The following PTPRU variants were observed in gnomAD, a reference collection of about 807,000 sequenced individuals.
The protein encoded by PTPRU is protein tyrosine phosphatase receptor type U.
PTPRU carries 69 observed loss-of-function variants against 166.3 expected under a neutral mutation model. The observed-to-expected ratio is 0.41, with a 90% CI of 0.34 to 0.51. PTPRU has a LOEUF of 0.51. Among genes scored for constraint, PTPRU ranks in the 20% least tolerant of loss-of-function variants. The pLI is 0.09. For missense variants in PTPRU, 1,657 were observed against 2,013.7 expected (o/e 0.82, Z 3.39); for synonymous variants, 793 against 814.0 (o/e 0.97, Z 0.44).
chr1:29,306,722 G>A (rs766014020), intron 18 of PTPRU, among the ~76,000 whole-genome samples: 2 of 152,340 alleles, frequency 1.3e-5, no homozygotes, highest in African/African-American at 4.8e-5. Flanking sequence ...GGGAGCCGAG[G>A]TAGTCAGGGT....
chr1:29,239,478 G>A (rs1179231846), intron 1 of PTPRU, among the ~76,000 whole-genome samples: 4 of 152,162 alleles, frequency 2.6e-5, no homozygotes, highest in Admixed American at 2.6e-4. Context: ...TTAGCAGGAA[G>A]CAGTGACAGT....
In PTPRU at chr1:29,291,765, G is replaced by A. The variant is rs530474245; in HGVS notation, c.2319-104G>A. The A allele has an allele frequency of 3.3e-6, 4 of 1,221,080 alleles. No individual in the cohort carries two copies. In the East Asian group the frequency reaches 1.0e-4, roughly 31 times the overall value. The allele number at this position is 1,221,080 out of a possible 1,614,324, so 75.6% of individuals were successfully genotyped here. On this transcript the variant is annotated intron_variant, in intron 14 of 29. Transcript: ENST00000373779. The surrounding 1 kb of genome is among the most constrained non-coding windows in gnomAD (Gnocchi z 4.1). ...AGAGATGCTTCTAGGACAGCTGCTG[G>A]CTCCTGGCCTTGAGGTCCCCTTACT...
At chr1:29,261,109 C>G (rs1685045636) in intron 7 of PTPRU, among the ~76,000 whole-genome samples, 1 of 152,230 alleles carries the variant, frequency 6.6e-6, no homozygotes, top group Non-Finnish European at 1.5e-5. Context: ...GACACACACA[C>G]AAACCCATAT....
At position 29,279,368 on chromosome 1, in the gene PTPRU, C is replaced by A; in HGVS notation, c.1564-88C>A. On this transcript the variant is annotated intron_variant, in intron 9 of 29. Transcript: ENST00000373779. The surrounding 1 kb of genome is among the most constrained non-coding windows in gnomAD (Gnocchi z 5.2). ...GTCTCCTTTGCTTAGCCTTATCTCT[C>A]ACTTCCCTGGGACATGGTGGGTGGA... is the stretch of plus-strand genomic sequence containing the variant. The A allele has an allele frequency of 7.0e-7, 1 of 1,427,758 alleles. No homozygotes were observed. Among genetic ancestry groups the A allele is most frequent in the South Asian group, 1.2e-5 (1 of 85,740 alleles). 88.4% of individuals were successfully genotyped at this position (1,427,758 alleles called of 1,614,324 possible). A position where few individuals can be genotyped will look rare whatever the true frequency, so the allele number is the denominator to read the frequency against.
Position 29,275,615 on chromosome 1 carries a change from T to A in PTPRU, c.1312T>A (p.Cys438Ser), listed in dbSNP as rs1339969438. The change falls in exon 8 of 30, where the codon TGT (cysteine) becomes AGT (serine). Residue 438 changes from cysteine (C) to serine (S), a missense_variant. By Grantham distance (112) the Cys-to-Ser change is moderately radical. Transcript: ENST00000373779. ...GSSHNQTIRE[C>S]VKTEQGVSRY... is the part of the protein sequence containing the mutation. Reference sequence around the variant, plus strand: ...CAGCCACAACCAGACCATCCGAGAGTGTGTGAAGACAGAGCAAGGTGTCAG... The same window carrying A: ...CAGCCACAACCAGACCATCCGAGAGAGTGTGAAGACAGAGCAAGGTGTCAG... The A allele has an allele frequency of 1.2e-6, 2 of 1,611,608 alleles. No individual in the cohort carries two copies. Among genetic ancestry groups the A allele is most frequent in the Middle Eastern group, 1.7e-4 (1 of 6,060 alleles).
intron 7 of PTPRU, among the ~76,000 whole-genome samples, chr1:29,265,563 A>C (rs1367099075): frequency 6.6e-6 from 1 of 151,912 alleles, no homozygotes; most frequent in Non-Finnish European, 1.5e-5. Context: ...GGGTTTCAGC[A>C]TGTTGGCCAG....
intron 7 of PTPRU, among the ~76,000 whole-genome samples, chr1:29,264,702 C>T (rs549391318): frequency 3.9e-5 from 6 of 152,250 alleles, no homozygotes; most frequent in Admixed American, 2.6e-4. Flanking sequence ...GACAGGGTTT[C>T]ACCATGTTGG....
At chr1:29,259,600 T>TTTTGTGGGGGGGGGGGGGGGG in intron 5 of PTPRU, 36 bp downstream of exon 5, 2 of 253,556 alleles carry the variant, frequency 7.9e-6, no homozygotes, top group East Asian at 8.6e-5. Context: ...GGGGGCGGGG[T>TTTTGTGGGGGGGGGGGGGGGG]GGGAGGGGGT....
chr1:29,324,540 G>A (rs1184792338), intron 28 of PTPRU, among the ~76,000 whole-genome samples: 1 of 152,146 alleles, frequency 6.6e-6, no homozygotes, highest in Non-Finnish European at 1.5e-5. Flanking sequence ...GTGTGCCCAC[G>A]ATGCCAGGTG....
rs1460973200 is a variant in PTPRU, at chr1:29,280,457, C to T, written c.1868+316C>T. 6.6e-6 allele frequency among the ~76,000 whole-genome samples: 1 copy of T among 152,176 alleles called. No individual in the cohort carries two copies. The highest frequency in any genetic ancestry group is 1.5e-5 in the Non-Finnish European group (1 of 68,026). On this transcript the variant is annotated intron_variant, in intron 11 of 29. Transcript: ENST00000373779. The surrounding 1 kb of genome is among the most constrained non-coding windows in gnomAD (Gnocchi z 4.2). ...CTTGGAGAAGTGAAACTCTGGGGGC[C>T]TTATATCATCCCAGCCTTTTCCTGG...
intron 8 of PTPRU, among the ~76,000 whole-genome samples, 171 bp from the exon 9 acceptor site, chr1:29,278,841 C>CT: frequency 6.6e-6 from 1 of 152,348 alleles, no homozygotes; most frequent in East Asian, 1.9e-4. Flanking sequence ...CATTTGAGTC[C>CT]TGGCTTGAGA....
Position 29,326,176 on chromosome 1 carries a change from T to G in PTPRU, c.*515T>G. ...TGGGGAAGCAGGTCTCAATTCTGAA[T>G]AGCCAGTGGGGCACACTGACTGTCC... is the stretch of plus-strand genomic sequence containing the variant. On this transcript the variant is annotated 3_prime_UTR_variant, in exon 30 of 30. Coordinates refer to ENST00000373779, the MANE Select transcript of PTPRU (RefSeq NM_133178.4). The G allele has an allele frequency of 6.8e-6, 2 of 295,366 alleles. No individual in the cohort carries two copies. Among genetic ancestry groups the G allele is most frequent in the East Asian group, 5.6e-5 (1 of 18,016 alleles). The allele number at this position is 295,366 out of a possible 1,614,324, so 18.3% of individuals were successfully genotyped here.
At position 29,317,852 on chromosome 1, in the gene PTPRU, C is replaced by A. The variant is rs149742017; in HGVS notation, c.3618C>A (p.Asp1206Glu). 6.2e-7 allele frequency: 1 copy of A among 1,614,046 alleles called. No individual in the cohort carries two copies. Among genetic ancestry groups the A allele is most frequent in the South Asian group, 1.1e-5 (1 of 91,088 alleles). ...GCAGCATGGACGTCCTGCCGCCCGA[C>A]CGCTGCCTGCCCTTCCTCATCTCCA... The part of the protein sequence containing the change: ...KNRSMDVLPP[D>E]RCLPFLISTD... Residue 1206 changes from aspartate to glutamate, a missense_variant, in exon 25 of 30, where the codon GAC becomes GAA. Asp to Glu is a conservative substitution (Grantham distance 45). This residue lies in a region of PTPRU where 1,190 missense variants were observed against 1,477.4 expected (regional missense o/e 0.81). Transcript: ENST00000373779. The surrounding 1 kb of genome is among the most constrained non-coding windows in gnomAD (Gnocchi z 5.6).
intron 18 of PTPRU, among the ~76,000 whole-genome samples, chr1:29,307,749 CTTT>C (rs201782011): frequency 2.6e-5 from 3 of 117,336 alleles, no homozygotes; most frequent in East Asian, 4.5e-4. Context: ...AAATATTATG[CTTT>C]TTTTTTTTTT....
intron 12 of PTPRU, among the ~76,000 whole-genome samples, 184 bp downstream of exon 12, chr1:29,283,133 G>T (rs946232062): frequency 8.4e-6 from 1 of 118,790 alleles, no homozygotes; most frequent in African/African-American, 3.3e-5. Context: ...ACCTCCTGTA[G>T]CCCCACCTCC....
chr1:29,300,456 T>C (rs888230442), intron 15 of PTPRU, among the ~76,000 whole-genome samples: 1 of 152,230 alleles, frequency 6.6e-6, no homozygotes, highest in African/African-American at 2.4e-5. Flanking sequence ...ACAGAATTCC[T>C]CTTCCTCCTC....
chr1:29,317,827 G>T lies in PTPRU; in HGVS notation c.3593G>T (p.Arg1198Leu). 4 of 1,613,670 alleles carry T rather than the reference G, an allele frequency of 2.5e-6. No homozygotes were observed. The highest frequency in any genetic ancestry group is 3.4e-6 in the Non-Finnish European group (4 of 1,180,026). Residue 1198 changes from arginine (R) to leucine (L), a missense_variant, in exon 25 of 30, where the codon CGC becomes CTC. Arg to Leu is a moderately radical substitution (Grantham distance 102). This residue lies in a region of PTPRU where 1,190 missense variants were observed against 1,477.4 expected (regional missense o/e 0.81). Coordinates refer to ENST00000373779, the MANE Select transcript of PTPRU (RefSeq NM_133178.4). The surrounding 1 kb of genome is among the most constrained non-coding windows in gnomAD (Gnocchi z 5.6). ...ALLPRNRDKN[R>L]SMDVLPPDRC... is the part of the protein sequence containing the mutation. ...TTGCCCCGGAACCGCGACAAGAACC[G>T]CAGCATGGACGTCCTGCCGCCCGAC...
intron 13 of PTPRU, 51 bp from the exon 14 acceptor site, chr1:29,284,680 C>T (rs376015098): frequency 1.1e-5 from 17 of 1,613,396 alleles, no homozygotes; most frequent in East Asian, 8.9e-5. Context: ...AGGAGGGGCT[C>T]GATGGTCCCT....
At chr1:29,289,533 G>T in intron 14 of PTPRU, 1 of 815,398 alleles carries the variant, frequency 1.2e-6, no homozygotes, top group South Asian at 1.7e-5. Context: ...GACCAGGGAG[G>T]TCCTCCTGAC....
Sources: allele counts gnomAD v4.1 joint callset (sites outside exome capture counted in the v4.1 genomes callset), GRCh38; gene constraint gnomAD v4.1.1; regional missense constraint gnomAD v4.1.1; non-coding constraint Gnocchi (gnomAD v3.1); transcripts MANE v1.5; gene names NCBI Gene and HGNC (gene_info 2026-07-23, HGNC 2026-07-21).